BBS9: variants seen among roughly 807,000 people sequenced by gnomAD.
BBS9 encodes Bardet-Biedl syndrome 9, also known as protein PTHB1.
In BBS9, 89 loss-of-function variants were observed where a neutral mutation model predicts 117.7. The ratio of observed to expected loss-of-function variants is 0.76; its 90% CI spans 0.64 to 0.90. The LOEUF is 0.90. BBS9 is among the 40% of genes least tolerant of loss of function. The pLI is 0.00. For synonymous variants in BBS9, 379 were observed against 370.9 expected (o/e 1.02, Z -0.25); for missense variants, 982 against 1,042.2 (o/e 0.94, Z 0.80).
At chr7:33,618,004 C>G (rs1865225592) in intron 21 of BBS9, among the ~76,000 whole-genome samples, 1 of 152,152 alleles carries the variant, frequency 6.6e-6, no homozygotes, top group Non-Finnish European at 1.5e-5. Context: ...ACTACTAGAT[C>G]TACCTTACAA....
intron 21 of BBS9, among the ~76,000 whole-genome samples, chr7:33,560,223 A>G (rs543371127): frequency 1.8e-4 from 28 of 152,146 alleles, no homozygotes; most frequent in Non-Finnish European, 3.4e-4. Context: ...TATATGTAGT[A>G]TATCTCTTTC....
At chr7:33,332,541 G>T (rs1040552902) in intron 9 of BBS9, among the ~76,000 whole-genome samples, 2 of 152,136 alleles carry the variant, frequency 1.3e-5, no homozygotes, top group African/African-American at 4.8e-5. Flanking sequence ...GCTGGGTGTG[G>T]TGGCAGGCGC....
intron 19 of BBS9, among the ~76,000 whole-genome samples, chr7:33,404,375 G>A (rs540103022): frequency 6.6e-5 from 10 of 152,042 alleles, no homozygotes; most frequent in African/African-American, 1.7e-4. Flanking sequence ...TTCCAATTCT[G>A]TGAAGAAAGT....
intron 16 of BBS9, among the ~76,000 whole-genome samples, chr7:33,359,268 G>A (rs924446216): frequency 6.6e-6 from 1 of 151,924 alleles, no homozygotes; most frequent in Non-Finnish European, 1.5e-5. Context: ...TTTGAAAAAC[G>A]TTTAAACACC....
intron 19 of BBS9, among the ~76,000 whole-genome samples, chr7:33,446,561 G>A (rs1260022176): frequency 6.6e-6 from 1 of 152,080 alleles, no homozygotes; most frequent in Non-Finnish European, 1.5e-5. Context: ...AGAGAATGAG[G>A]CCTTCATTTA....
chr7:33,322,176 A>C (rs1487768561), intron 9 of BBS9, among the ~76,000 whole-genome samples: 1 of 151,686 alleles, frequency 6.6e-6, no homozygotes, highest in African/African-American at 2.4e-5. Flanking sequence ...ATTGGCCTGT[A>C]ATTTTCTGTT....
At chr7:33,188,759 G>A (rs1783569213) in intron 5 of BBS9, among the ~76,000 whole-genome samples, 2 of 152,240 alleles carry the variant, frequency 1.3e-5, no homozygotes, top group South Asian at 2.1e-4. Context: ...TTAACAGAAG[G>A]GTAGGAACAT....
At chr7:33,622,300 A>G (rs532242316) in intron 21 of BBS9, among the ~76,000 whole-genome samples, 2 of 152,322 alleles carry the variant, frequency 1.3e-5, no homozygotes, top group African/African-American at 4.8e-5. Flanking sequence ...ATAGAAGCAG[A>G]AAGTAGAATG....
intron 21 of BBS9, among the ~76,000 whole-genome samples, chr7:33,551,179 A>G (rs1397972506): frequency 6.6e-6 from 1 of 152,168 alleles, no homozygotes; most frequent in African/African-American, 2.4e-5. Flanking sequence ...TTGTAAAATA[A>G]GAAGCAAATA....
At chr7:33,285,339 G>A (rs1330596861) in intron 9 of BBS9, among the ~76,000 whole-genome samples, 1 of 152,012 alleles carries the variant, frequency 6.6e-6, no homozygotes, top group Non-Finnish European at 1.5e-5. Flanking sequence ...TTTGGTTTAG[G>A]GCCTAATGAA....
chr7:33,528,587 A>G (rs1272909497), intron 20 of BBS9, among the ~76,000 whole-genome samples: 1 of 152,214 alleles, frequency 6.6e-6, no homozygotes, highest in African/African-American at 2.4e-5. Context: ...AAAAAGTAGG[A>G]TTGAATATAT....
In BBS9 at chr7:33,381,670, T is replaced by C. The variant is rs183563614; in HGVS notation, c.1790-1996T>C. 1.3e-4 allele frequency among the ~76,000 whole-genome samples: 20 copies of C among 152,276 alleles called. No homozygotes were observed. The East Asian group carries it at 3.9e-3, about 29-fold the overall frequency. ...GTGGCATTTATTTTAAAAAGTATTATCTTTGATTAAGGAAAACACCTAATC... is the reference window on the plus strand; with the variant it reads ...GTGGCATTTATTTTAAAAAGTATTACCTTTGATTAAGGAAAACACCTAATC... On this transcript the variant is annotated intron_variant, in intron 17 of 22. Transcript: ENST00000242067.
chr7:33,325,983 C>G (rs1009878424), intron 9 of BBS9, among the ~76,000 whole-genome samples: 3 of 152,172 alleles, frequency 2.0e-5, no homozygotes, highest in African/African-American at 7.2e-5. Flanking sequence ...CTCATAACCA[C>G]TGCCTGGCTA....
At chr7:33,200,743 CT>C (rs1490710225) in intron 5 of BBS9, among the ~76,000 whole-genome samples, 1 of 151,992 alleles carries the variant, frequency 6.6e-6, no homozygotes, top group East Asian at 1.9e-4. Context: ...TCATTTTGTT[CT>C]GGAGTAATTT....
chr7:33,148,184 T>A (rs4723261), intron 2 of BBS9, among the ~76,000 whole-genome samples: 133,500 of 152,238 alleles, frequency 0.88, 58,819 homozygotes, highest in African/African-American at 0.97. Flanking sequence ...AATGTCTAGT[T>A]TACAGAATAG....
chr7:33,338,782 C>T (rs951840234), intron 10 of BBS9, among the ~76,000 whole-genome samples: 2 of 152,178 alleles, frequency 1.3e-5, no homozygotes, highest in African/African-American at 4.8e-5. Context: ...CAGTAGTCAA[C>T]AACATCTACT....
intron 21 of BBS9, among the ~76,000 whole-genome samples, chr7:33,553,697 A>C (rs1854819520): frequency 6.6e-6 from 1 of 151,848 alleles, no homozygotes; most frequent in African/African-American, 2.4e-5. Flanking sequence ...AATATTAACA[A>C]ATGTAGAGTT....
intron 15 of BBS9, 98 bp from the exon 16 acceptor site, chr7:33,357,757 A>T (rs1819868922): frequency 1.5e-6 from 2 of 1,309,732 alleles, no homozygotes; most frequent in Non-Finnish European, 1.1e-6. Flanking sequence ...CAACAAGCAA[A>T]CCAAGATATA....
At chr7:33,314,301 T>C (rs1339107382) in intron 9 of BBS9, 1 of 429,990 alleles carries the variant, frequency 2.3e-6, no homozygotes, top group Non-Finnish European at 4.6e-6. Context: ...TCTTCCACTT[T>C]AGAAAAATGA....
Sources: gnomAD v4.1 joint callset for allele counts (sites outside exome capture counted in the v4.1 genomes callset) on GRCh38, gnomAD v4.1.1 for gene constraint, MANE v1.5 for transcripts, NCBI Gene and HGNC (gene_info 2026-07-23, HGNC 2026-07-21) for gene names.